AFF2: variants seen among roughly 807,000 people sequenced by gnomAD.
AFF2 encodes the protein AF4/FMR2 family member 2.
In AFF2, 14 loss-of-function variants were observed where a neutral mutation model predicts 76.9. That is an observed-to-expected ratio of 0.18 (90% CI 0.12 to 0.28). The LOEUF (loss-of-function observed/expected upper bound fraction) is 0.28. AFF2 is among the 10% of genes least tolerant of loss of function. The pLI is 1.00. For synonymous variants in AFF2, 398 were observed against 366.7 expected, an observed-to-expected ratio of 1.09 and a Z score of -0.98; for missense variants, 868 against 1,001.1, an observed-to-expected ratio of 0.87 and a Z score of 1.79.
At position 148,995,931 on chromosome X, in the gene AFF2, C is replaced by T. The variant is rs2072593512; in HGVS notation, c.*4599C>T. ...GGAAGCCTCCTGAAGAATGCCCCAG[C>T]TGATGCTTTCAGCTGGGAATAGTTT... is the stretch of plus-strand genomic sequence containing the variant. On this transcript the variant is annotated 3_prime_UTR_variant, in exon 21 of 21. Transcript: ENST00000370460. The T allele has an allele frequency of 8.9e-6, 1 of 112,804 alleles. No homozygotes were observed. The highest frequency in any genetic ancestry group is 1.9e-5 in the Non-Finnish European group (1 of 53,312). 9.3% of individuals were successfully genotyped at this position (112,804 alleles called of 1,213,427 possible).
At chrX:148,671,098 T>C (rs1196969340) in intron 3 of AFF2, among the ~76,000 whole-genome samples, 1 of 111,763 alleles carries the variant, frequency 8.9e-6, no homozygotes, top group Non-Finnish European at 1.9e-5. Context: ...AACATGCCAT[T>C]GTGTAGGTAG....
intron 1 of AFF2, among the ~76,000 whole-genome samples, chrX:148,645,778 T>C (rs2054138148): frequency 8.9e-6 from 1 of 112,070 alleles, no homozygotes; most frequent in African/African-American, 3.2e-5. Context: ...TTATTTGTGT[T>C]CAGTTGGAGG....
intron 1 of AFF2, among the ~76,000 whole-genome samples, chrX:148,601,277 G>A (rs2053623832): frequency 8.9e-6 from 1 of 112,199 alleles, no homozygotes; most frequent in Admixed American, 9.4e-5. Flanking sequence ...ACCACTAGAG[G>A]TACTGTTTAG....
chrX:148,962,251 A>C (rs1219445515), intron 12 of AFF2, among the ~76,000 whole-genome samples: 4 of 112,679 alleles, frequency 3.5e-5, no homozygotes, highest in African/African-American at 1.3e-4. Context: ...ATATTTCTTA[A>C]GAAAGTATTC....
At chrX:148,555,572 C>G (rs1464611140) in intron 1 of AFF2, among the ~76,000 whole-genome samples, 5 of 112,040 alleles carry the variant, frequency 4.5e-5, no homozygotes, top group Non-Finnish European at 9.4e-5. Context: ...GAGCATTGGA[C>G]TTGGATTTGT....
Position 148,999,821 on chromosome X carries a change from G to A in AFF2, c.*8489G>A, listed in dbSNP as rs1230512723. On this transcript the variant is annotated 3_prime_UTR_variant, in exon 21 of 21. Coordinates refer to ENST00000370460, the MANE Select transcript of AFF2 (RefSeq NM_002025.4). ...TGGTTCAATTAAACGGATTCCACCGGACTTTGTGATGAAAAAGGCTCTGTT... is the reference window on the plus strand; with the variant it reads ...TGGTTCAATTAAACGGATTCCACCGAACTTTGTGATGAAAAAGGCTCTGTT... 1 of 112,255 alleles carries A rather than the reference G, an allele frequency of 8.9e-6. No individual in the cohort carries two copies. The highest frequency in any genetic ancestry group is 1.9e-5 in the Non-Finnish European group (1 of 53,270). The allele number at this position is 112,255 out of a possible 1,213,427, so 9.3% of individuals were successfully genotyped here.
At chrX:148,818,241 A>G (rs1292714945) in intron 4 of AFF2, among the ~76,000 whole-genome samples, 2 of 112,368 alleles carry the variant, frequency 1.8e-5, no homozygotes, top group Non-Finnish European at 3.8e-5. Flanking sequence ...TATGAATAAT[A>G]CACAAATTCA....
intron 3 of AFF2, 143 bp downstream of exon 3, chrX:148,662,911 A>T (rs2124469675): frequency 3.3e-6 from 2 of 614,035 alleles, no homozygotes; most frequent in South Asian, 3.8e-5. Flanking sequence ...CTGAATTTTG[A>T]TCTTCTGTCA....
chrX:148,834,717 A>T (rs187503696), intron 4 of AFF2, among the ~76,000 whole-genome samples: 261 of 111,266 alleles, frequency 2.3e-3, no homozygotes, highest in Non-Finnish European at 2.5e-3. Context: ...TAGGTGTCTT[A>T]TCTTAGGAAT....
chrX:148,504,020 G>T (rs186977004), intron 1 of AFF2, among the ~76,000 whole-genome samples: 1 of 111,384 alleles, frequency 9.0e-6, no homozygotes, highest in Admixed American at 9.5e-5. Context: ...TGCTCTTAAA[G>T]AAAAAGATAA....
At chrX:148,823,269 A>C (rs2070349387) in intron 4 of AFF2, among the ~76,000 whole-genome samples, 1 of 111,566 alleles carries the variant, frequency 9.0e-6, no homozygotes, top group African/African-American at 3.3e-5. Flanking sequence ...AAGAGACCTC[A>C]GAGCTAGTTC....
intron 4 of AFF2, among the ~76,000 whole-genome samples, chrX:148,813,474 C>A (rs1456900390): frequency 8.9e-6 from 1 of 112,300 alleles, no homozygotes; most frequent in Non-Finnish European, 1.9e-5. Flanking sequence ...AGCAAATTTT[C>A]TTCTAATAAT....
intron 1 of AFF2, among the ~76,000 whole-genome samples, chrX:148,562,413 A>G (rs1239758879): frequency 8.9e-6 from 1 of 111,750 alleles, no homozygotes; most frequent in Non-Finnish European, 1.9e-5. Context: ...AGAAAAGTAC[A>G]ACCTCTAGTG....
At chrX:148,739,710 C>T (rs114678691) in intron 3 of AFF2, among the ~76,000 whole-genome samples, 1,824 of 110,723 alleles carry the variant, frequency 0.016, 42 homozygotes, top group African/African-American at 0.056. Context: ...TTTTTCTTTT[C>T]GGTTTTTAAC....
intron 1 of AFF2, among the ~76,000 whole-genome samples, chrX:148,553,066 C>G (rs1557239173): frequency 8.9e-6 from 1 of 111,871 alleles, no homozygotes; most frequent in African/African-American, 3.3e-5. Context: ...ATGGTTCTCC[C>G]CTCTGTGTCA....
chrX:148,713,752 T>A (rs146969002), intron 3 of AFF2, among the ~76,000 whole-genome samples: 2 of 111,054 alleles, frequency 1.8e-5, no homozygotes, highest in Non-Finnish European at 3.8e-5. Context: ...ATAAAAGAGA[T>A]TGGGAAGAAA....
chrX:148,985,285 C>CTTTTTTTTTTTTTTTTTT (rs151339705), intron 19 of AFF2, among the ~76,000 whole-genome samples: 2 of 15,389 alleles, frequency 1.3e-4, no homozygotes, highest in Non-Finnish European at 2.4e-4. Flanking sequence ...TGTGCCTGGC[C>CTTTTTTTTTTTTTTTTTT]TTTTTTTTTT....
intron 10 of AFF2, among the ~76,000 whole-genome samples, chrX:148,955,210 A>G (rs1002486881): frequency 2.7e-5 from 3 of 112,253 alleles, no homozygotes; most frequent in Non-Finnish European, 5.6e-5. Context: ...ATCAGAGACT[A>G]TTACCTTTGC....
At chrX:148,913,280 T>C (rs2071491245) in intron 9 of AFF2, among the ~76,000 whole-genome samples, 1 of 112,499 alleles carries the variant, frequency 8.9e-6, no homozygotes, top group Admixed American at 9.4e-5. Context: ...ATGTCCACTT[T>C]CCATGCCTAG....
Sources: gnomAD v4.1 joint callset for allele counts (sites outside exome capture counted in the v4.1 genomes callset) on GRCh38, gnomAD v4.1.1 for gene constraint, MANE v1.5 for transcripts, NCBI Gene and HGNC (gene_info 2026-07-23, HGNC 2026-07-21) for gene names.